Variants in ADAM9 observed in about 807,000 individuals in gnomAD.
ADAM9 encodes disintegrin and metalloproteinase domain-containing protein 9.
ADAM9 carries 54 observed loss-of-function variants against 108.1 expected under a neutral mutation model. The ratio of observed to expected loss-of-function variants is 0.50; its 90% CI spans 0.40 to 0.63. The LOEUF is 0.63. ADAM9 is among the 20% of genes least tolerant of loss of function. ADAM9 has a pLI of 0.00. For synonymous variants in ADAM9, 316 were observed against 336.0 expected (o/e 0.94, Z 0.65); for missense variants, 830 against 997.7 (o/e 0.83, Z 2.26).
chr8:39,028,360 C>T (rs1427951830), intron 11 of ADAM9, among the ~76,000 whole-genome samples: 1 of 149,556 alleles, frequency 6.7e-6, no homozygotes, highest in Non-Finnish European at 1.5e-5. Context: ...AAAAGCCATG[C>T]TTCATAAAAA....
chr8:39,070,342 T>C (rs1408579954), intron 14 of ADAM9, among the ~76,000 whole-genome samples: 13 of 152,110 alleles, frequency 8.5e-5, no homozygotes, highest in Admixed American at 8.5e-4. Context: ...CCATTTATCC[T>C]TCTGGATAAA....
chr8:39,044,996 G>A (rs1342154971), intron 12 of ADAM9, among the ~76,000 whole-genome samples: 1 of 145,388 alleles, frequency 6.9e-6, no homozygotes, highest in Non-Finnish European at 1.5e-5. Context: ...ATATGTGTGT[G>A]CACACATACC....
intron 20 of ADAM9, among the ~76,000 whole-genome samples, chr8:39,094,859 C>G (rs537534644): frequency 1.3e-5 from 2 of 152,106 alleles, no homozygotes; most frequent in South Asian, 4.1e-4. Context: ...AAAACCAACT[C>G]TTAGTTTTAT....
intron 17 of ADAM9, 110 bp downstream of exon 17, chr8:39,082,831 C>T (rs1481994332): frequency 7.4e-7 from 1 of 1,348,758 alleles, no homozygotes; most frequent in Non-Finnish European, 1.1e-6. Flanking sequence ...AATTTAGATT[C>T]CTGATAAAAT....
intron 6 of ADAM9, among the ~76,000 whole-genome samples, chr8:39,018,075 T>TA (rs1836603116): frequency 6.6e-6 from 1 of 152,236 alleles, no homozygotes; most frequent in Admixed American, 6.5e-5. Context: ...GAGACTGCTA[T>TA]AGCACTTCAT....
intron 12 of ADAM9, among the ~76,000 whole-genome samples, chr8:39,042,923 T>A (rs950365308): frequency 6.6e-6 from 1 of 152,170 alleles, no homozygotes; most frequent in African/African-American, 2.4e-5. Flanking sequence ...CCATTTTCCA[T>A]TCCACAAGCC....
intron 12 of ADAM9, among the ~76,000 whole-genome samples, chr8:39,048,998 G>GTTTTTTTTTT (rs34077661): frequency 8.2e-6 from 1 of 121,472 alleles, no homozygotes; most frequent in Non-Finnish European, 1.8e-5. Context: ...ATAGCATATA[G>GTTTTTTTTTT]TTTTTTTTTT....
intron 1 of ADAM9, among the ~76,000 whole-genome samples, chr8:38,998,471 C>T (rs1377524385): frequency 6.6e-6 from 1 of 152,104 alleles, no homozygotes; most frequent in Non-Finnish European, 1.5e-5. Context: ...CATTACCGAC[C>T]TGCATTAGGT....
At chr8:38,998,926 C>T (rs1190551215) in intron 1 of ADAM9, among the ~76,000 whole-genome samples, 1 of 152,102 alleles carries the variant, frequency 6.6e-6, no homozygotes, top group Admixed American at 6.6e-5. Context: ...TGGACTTCAC[C>T]CCGTAGGAAG....
chr8:39,058,336 A>G (rs1838192020), intron 14 of ADAM9, among the ~76,000 whole-genome samples: 1 of 152,044 alleles, frequency 6.6e-6, no homozygotes, highest in South Asian at 2.1e-4. Context: ...ACTAACTTCC[A>G]CCCATTCTGT....
intron 21 of ADAM9, among the ~76,000 whole-genome samples, chr8:39,102,604 A>G (rs1839734551): frequency 1.3e-5 from 2 of 152,196 alleles, no homozygotes; most frequent in South Asian, 2.1e-4. Flanking sequence ...GCTCATGATC[A>G]AAAAAAGCCA....
intron 12 of ADAM9, 110 bp from the exon 13 acceptor site, chr8:39,054,371 C>A: frequency 3.1e-6 from 3 of 964,328 alleles, no homozygotes; most frequent in Non-Finnish European, 4.9e-6. Flanking sequence ...AGGGTAACTG[C>A]TACAATCATG....
At chr8:39,064,726 C>T (rs908863428) in intron 14 of ADAM9, among the ~76,000 whole-genome samples, 2 of 152,110 alleles carry the variant, frequency 1.3e-5, no homozygotes, top group African/African-American at 4.8e-5. Context: ...GCTTTCCTTT[C>T]GGTAGTTTCC....
At chr8:39,012,154 T>C (rs1368318797) in intron 3 of ADAM9, among the ~76,000 whole-genome samples, 2 of 152,226 alleles carry the variant, frequency 1.3e-5, no homozygotes, top group African/African-American at 4.8e-5. Context: ...CCCAGAGTCC[T>C]TTCTCAGTTG....
chr8:39,090,973 G>T (rs548503810), intron 19 of ADAM9, among the ~76,000 whole-genome samples: 2 of 152,170 alleles, frequency 1.3e-5, no homozygotes, highest in East Asian at 1.9e-4. Flanking sequence ...ATTTTAGGAA[G>T]ACTTGAGAAA....
At chr8:39,063,844 T>A (rs1009869325) in intron 14 of ADAM9, among the ~76,000 whole-genome samples, 1 of 152,162 alleles carries the variant, frequency 6.6e-6, no homozygotes, top group Non-Finnish European at 1.5e-5. Context: ...TAACCTCAAT[T>A]TAACAGTAGA....
intron 20 of ADAM9, 125 bp downstream of exon 20, chr8:39,091,471 T>C: frequency 1.1e-6 from 1 of 906,900 alleles, no homozygotes; most frequent in Non-Finnish European, 1.7e-6. Flanking sequence ...TCAAGAGTAT[T>C]GTAGGTGGTC....
Position 39,041,862 on chromosome 8 carries a change from A to AT in ADAM9, c.1131-80dup, listed in dbSNP as rs1291905624. 5 of 1,252,670 alleles carry AT rather than the reference A, an allele frequency of 4.0e-6. No homozygotes were observed. The African/African-American group carries it at 4.5e-5, about 11-fold the overall frequency. The allele number at this position is 1,252,670 out of a possible 1,614,324, so 77.6% of individuals were successfully genotyped here. A position where few individuals can be genotyped will look rare whatever the true frequency, so the allele number is the denominator to read the frequency against. On this transcript the variant is annotated intron_variant, in intron 11 of 21. Transcript: ENST00000487273. ...CTTTTCTGTCATTTAAAATATTCAC[A>AT]TTTTGTGGGTTAAAGTCATGACTTA... is the stretch of plus-strand genomic sequence containing the variant.
Position 39,018,844 on chromosome 8 carries a change from T to G in ADAM9, c.607-9T>G. 1 of 1,613,980 alleles carries G rather than the reference T, an allele frequency of 6.2e-7. No individual in the cohort carries two copies. ...CCTTTTGCCTTTATGATGTTTGTGT[T>G]TTTGACAGAGAAGAAGAGCTGTCTT... On this transcript the variant is annotated splice_polypyrimidine_tract_variant and intron_variant, in intron 6 of 21. Transcript: ENST00000487273.
Sources: gnomAD v4.1 joint callset for allele counts (sites outside exome capture counted in the v4.1 genomes callset) on GRCh38, gnomAD v4.1.1 for gene constraint, MANE v1.5 for transcripts, NCBI Gene and HGNC (gene_info 2026-07-23, HGNC 2026-07-21) for gene names.